The following ZFAND3 variants were observed in gnomAD, a reference collection of about 807,000 sequenced individuals.
ZFAND3 encodes AN1-type zinc finger protein 3.
A neutral mutation model predicts 29.6 loss-of-function variants in ZFAND3; 10 were observed. That is an observed-to-expected ratio of 0.34 (90% CI 0.21 to 0.57). The LOEUF is 0.57. Ranked by LOEUF, ZFAND3 falls within the 20% of genes least tolerant of loss-of-function variation. ZFAND3 has a pLI of 0.86. For missense variants in ZFAND3, 230 were observed against 304.5 expected (o/e 0.76, Z 1.82); for synonymous variants, 128 against 112.6 (o/e 1.14, Z -0.87).
At chr6:37,834,688 A>ACATATG in intron 1 of ZFAND3, among the ~76,000 whole-genome samples, 1 of 152,140 alleles carries the variant, frequency 6.6e-6, no homozygotes, top group African/African-American at 2.4e-5. Flanking sequence ...ACTATATGAT[A>ACATATG]CATATGCATA....
chr6:38,034,310 G>A (rs1167417791), intron 2 of ZFAND3, among the ~76,000 whole-genome samples: 1 of 152,128 alleles, frequency 6.6e-6, no homozygotes, highest in Non-Finnish European at 1.5e-5. Context: ...AGAAAATAAT[G>A]CAGAATAAGA....
rs1766304588 is a variant in ZFAND3, at chr6:38,154,316, A to G, written c.*1927A>G. On this transcript the variant is annotated 3_prime_UTR_variant, in exon 6 of 6. Coordinates refer to ENST00000287218, the MANE Select transcript of ZFAND3 (RefSeq NM_021943.3). ...CTGCGTGGAGGCAGCCATGGGAAGGAGCCCAGGGGAGCTGGCCTGGGGGAG... is the reference window on the plus strand; with the variant it reads ...CTGCGTGGAGGCAGCCATGGGAAGGGGCCCAGGGGAGCTGGCCTGGGGGAG... The G allele has an allele frequency of 1.0e-6, 1 of 978,010 alleles. No homozygotes were observed. Among genetic ancestry groups the G allele is most frequent in the African/African-American group, 1.8e-5 (1 of 55,138 alleles). 60.6% of individuals were successfully genotyped at this position (978,010 alleles called of 1,614,324 possible).
At chr6:38,109,265 C>T (rs1386943704) in intron 4 of ZFAND3, among the ~76,000 whole-genome samples, 2 of 151,500 alleles carry the variant, frequency 1.3e-5, no homozygotes, top group African/African-American at 4.9e-5. Flanking sequence ...TCACTGCAAC[C>T]TCCACCTCCT....
chr6:38,006,108 T>C (rs77170959), intron 2 of ZFAND3, among the ~76,000 whole-genome samples: 12,239 of 152,240 alleles, frequency 0.08, 579 homozygotes, highest in African/African-American at 0.14. Flanking sequence ...CTTCAGTTTC[T>C]TGTAGTTACA....
At chr6:38,079,813 T>G (rs997494407) in intron 3 of ZFAND3, among the ~76,000 whole-genome samples, 1 of 152,076 alleles carries the variant, frequency 6.6e-6, no homozygotes, top group Non-Finnish European at 1.5e-5. Flanking sequence ...GTACACTAAC[T>G]TCCTCCTATG....
chr6:37,951,998 A>G (rs572132289), intron 2 of ZFAND3, among the ~76,000 whole-genome samples: 2 of 152,328 alleles, frequency 1.3e-5, no homozygotes, highest in African/African-American at 2.4e-5. Flanking sequence ...AATGTGATAA[A>G]TCACACTTAC....
At chr6:38,113,175 C>G (rs1765352982) in intron 4 of ZFAND3, among the ~76,000 whole-genome samples, 1 of 152,188 alleles carries the variant, frequency 6.6e-6, no homozygotes, top group Non-Finnish European at 1.5e-5. Flanking sequence ...ATAACACATT[C>G]TGTTAGACAT....
rs950315656 is a variant in ZFAND3 at position 38,153,108 on chromosome 6, A to G, written c.*719A>G. 8.1e-6 allele frequency: 8 copies of G among 985,450 alleles called. No individual in the cohort carries two copies. Among genetic ancestry groups the G allele is most frequent in the African/African-American group, 5.2e-5 (3 of 57,260 alleles). The allele number at this position is 985,450 out of a possible 1,614,324, so 61.0% of individuals were successfully genotyped here. A position where few individuals can be genotyped will look rare whatever the true frequency, so the allele number is the denominator to read the frequency against. On this transcript the variant is annotated 3_prime_UTR_variant, in exon 6 of 6. Transcript: ENST00000287218. ...GACCCGCCTTTTCTACACAGGATCC[A>G]AGGTCACGAGAAGCAGCCAGAGTGC... is the stretch of plus-strand genomic sequence containing the variant.
intron 1 of ZFAND3, among the ~76,000 whole-genome samples, chr6:37,906,236 C>CT (rs1765405098): frequency 6.6e-6 from 1 of 152,136 alleles, no homozygotes; most frequent in Non-Finnish European, 1.5e-5. Context: ...AGCCACTAAT[C>CT]TATTTTTTGT....
chr6:37,996,203 G>GTTATAATT (rs769614776), intron 2 of ZFAND3, among the ~76,000 whole-genome samples: 11 of 151,780 alleles, frequency 7.2e-5, no homozygotes, highest in Non-Finnish European at 1.2e-4. Context: ...ATTTTCAATG[G>GTTATAATT]TTATAATTTT....
chr6:37,869,458 G>A (rs1484037946), intron 1 of ZFAND3, among the ~76,000 whole-genome samples: 1 of 151,316 alleles, frequency 6.6e-6, no homozygotes, highest in African/African-American at 2.4e-5. Context: ...GTGCCTGGCC[G>A]TTATTTTGTC....
chr6:37,863,716 G>GCAGT, intron 1 of ZFAND3, among the ~76,000 whole-genome samples: 1 of 152,188 alleles, frequency 6.6e-6, no homozygotes, highest in East Asian at 1.9e-4. Flanking sequence ...TTAGGACCAG[G>GCAGT]CAGTCAGTCA....
chr6:37,825,021 C>T (rs35102217), intron 1 of ZFAND3, among the ~76,000 whole-genome samples: 3,600 of 152,296 alleles, frequency 0.024, 71 homozygotes, highest in Middle Eastern at 0.038. Context: ...AGTTTAGAAT[C>T]AATGTATATA....
chr6:38,041,583 C>G (rs906421597), intron 2 of ZFAND3, among the ~76,000 whole-genome samples: 30 of 151,130 alleles, frequency 2.0e-4, no homozygotes, highest in African/African-American at 7.3e-4. Flanking sequence ...GGCATCCCTT[C>G]AAACTGATTT....
At chr6:38,072,897 A>C (rs1389256710) in intron 3 of ZFAND3, among the ~76,000 whole-genome samples, 3 of 152,208 alleles carry the variant, frequency 2.0e-5, no homozygotes, top group Non-Finnish European at 4.4e-5. Flanking sequence ...CTTAGTGAGG[A>C]ATTTTTAAAA....
intron 1 of ZFAND3, among the ~76,000 whole-genome samples, chr6:37,890,148 A>G (rs548029745): frequency 1.1e-4 from 17 of 152,364 alleles, no homozygotes; most frequent in Admixed American, 2.6e-4. Flanking sequence ...CTAGCTGACA[A>G]CACATACAAG....
chr6:38,028,231 G>A (rs916328140), intron 2 of ZFAND3, among the ~76,000 whole-genome samples: 5 of 152,116 alleles, frequency 3.3e-5, no homozygotes, highest in African/African-American at 1.2e-4. Flanking sequence ...CTCATGTTAT[G>A]TGGCATACTT....
chr6:37,870,152 G>A (rs762305238), intron 1 of ZFAND3, among the ~76,000 whole-genome samples: 3 of 151,904 alleles, frequency 2.0e-5, no homozygotes, highest in African/African-American at 7.3e-5. Context: ...TTATTTAGAA[G>A]TGTGTTGTTA....
intron 1 of ZFAND3, among the ~76,000 whole-genome samples, chr6:37,927,366 T>C (rs1368125643): frequency 6.6e-6 from 1 of 152,196 alleles, no homozygotes; most frequent in African/African-American, 2.4e-5. Flanking sequence ...TTTGTGGCAT[T>C]GCGTGGACAA....
Sources: allele counts gnomAD v4.1 joint callset (sites outside exome capture counted in the v4.1 genomes callset), GRCh38; gene constraint gnomAD v4.1.1; transcripts MANE v1.5; gene names NCBI Gene and HGNC (gene_info 2026-07-23, HGNC 2026-07-21).